The following MDFIC2 variants were observed in gnomAD, a reference collection of about 807,000 sequenced individuals.
The protein encoded by MDFIC2 is MyoD family inhibitor domain containing 2.
In MDFIC2 at chr3:70,194,889, G is replaced by A. The variant is rs1245610036; in HGVS notation, c.*2037C>T. On this transcript the variant is annotated 3_prime_UTR_variant, in exon 4 of 4. Transcript: ENST00000567252. ...CTTTAGTGACTAGACCACGGGTAGA[G>A]GGGTGGGTGCTCAGAGAGGAGCCAA... Among the ~76,000 whole-genome samples, 1 of 152,174 alleles carries A rather than the reference G, an allele frequency of 6.6e-6. No individual in the cohort carries two copies. Among genetic ancestry groups the A allele is most frequent in the African/African-American group, 2.4e-5 (1 of 41,440 alleles).
At chr3:70,268,513 G>T (rs926443252) in intron 2 of MDFIC2, among the ~76,000 whole-genome samples, 1 of 150,948 alleles carries the variant, frequency 6.6e-6, no homozygotes, top group Non-Finnish European at 1.5e-5. Context: ...CCAGAATGGT[G>T]CATTTGTTAC....
At chr3:70,282,253 G>A (rs1702092976) in intron 2 of MDFIC2, among the ~76,000 whole-genome samples, 1 of 152,074 alleles carries the variant, frequency 6.6e-6, no homozygotes, top group Admixed American at 6.6e-5. Context: ...GTGAGCAATG[G>A]GACCTAGAAG....
intron 2 of MDFIC2, among the ~76,000 whole-genome samples, chr3:70,235,070 T>G (rs1701594386): frequency 6.6e-6 from 1 of 152,196 alleles, no homozygotes; most frequent in Non-Finnish European, 1.5e-5. Context: ...TGATTGCACT[T>G]TGCTGCAGAA....
intron 2 of MDFIC2, among the ~76,000 whole-genome samples, chr3:70,304,607 G>C (rs1269582751): frequency 6.6e-6 from 1 of 152,076 alleles, no homozygotes; most frequent in African/African-American, 2.4e-5. Flanking sequence ...CAGTCCTGTT[G>C]GTTCTAACTT....
intron 2 of MDFIC2, among the ~76,000 whole-genome samples, chr3:70,215,383 A>G (rs1701399080): frequency 6.6e-6 from 1 of 152,116 alleles, no homozygotes. Context: ...ACTTTTCTGA[A>G]ATAAAACTGC....
At chr3:70,289,055 T>G (rs1702198907) in intron 2 of MDFIC2, among the ~76,000 whole-genome samples, 1 of 152,168 alleles carries the variant, frequency 6.6e-6, no homozygotes, top group Non-Finnish European at 1.5e-5. Context: ...TTTAGCCCAT[T>G]TACATTTAAA....
intron 2 of MDFIC2, among the ~76,000 whole-genome samples, chr3:70,286,929 G>T (rs1468130150): frequency 2.0e-5 from 3 of 151,718 alleles, no homozygotes; most frequent in East Asian, 1.9e-4. Context: ...CTTTGCTGAA[G>T]TTGCTTATCA....
intron 2 of MDFIC2, among the ~76,000 whole-genome samples, chr3:70,290,796 G>A (rs556307339): frequency 5.9e-5 from 9 of 152,184 alleles, no homozygotes; most frequent in Non-Finnish European, 1.2e-4. Flanking sequence ...GAAAAGCGCA[G>A]TATTCGGGTG....
chr3:70,257,643 T>A (rs1345065812), intron 2 of MDFIC2, among the ~76,000 whole-genome samples: 1 of 152,168 alleles, frequency 6.6e-6, no homozygotes, highest in East Asian at 1.9e-4. Flanking sequence ...TATGAAACAT[T>A]GCTTAGAGAA....
intron 2 of MDFIC2, among the ~76,000 whole-genome samples, chr3:70,287,071 C>T (rs1476638739): frequency 7.0e-6 from 1 of 143,358 alleles, no homozygotes; most frequent in Non-Finnish European, 1.5e-5. Context: ...CCTAATTGCC[C>T]TGGCCAGAAC....
chr3:70,256,352 A>G (rs114869942), intron 2 of MDFIC2, among the ~76,000 whole-genome samples: 3,564 of 152,296 alleles, frequency 0.023, 152 homozygotes, highest in African/African-American at 0.081. Flanking sequence ...AATCTTCCCT[A>G]TGATGATCTA....
At chr3:70,295,126 A>G (rs1384378984) in intron 2 of MDFIC2, among the ~76,000 whole-genome samples, 1 of 152,138 alleles carries the variant, frequency 6.6e-6, no homozygotes, top group South Asian at 2.1e-4. Context: ...AATTCTTCCA[A>G]CTTCTGAGAT....
chr3:70,279,445 A>T (rs975634168), intron 2 of MDFIC2, among the ~76,000 whole-genome samples: 1 of 152,084 alleles, frequency 6.6e-6, no homozygotes, highest in Non-Finnish European at 1.5e-5. Context: ...CACATCTCTG[A>T]GTACATTGTC....
At chr3:70,292,528 T>C (rs1354689562) in intron 2 of MDFIC2, among the ~76,000 whole-genome samples, 1 of 152,144 alleles carries the variant, frequency 6.6e-6, no homozygotes, top group Non-Finnish European at 1.5e-5. Flanking sequence ...ACTCCTTTGG[T>C]TTGAGAGGCA....
intron 2 of MDFIC2, among the ~76,000 whole-genome samples, chr3:70,272,843 G>C (rs1206172306): frequency 6.6e-6 from 1 of 152,098 alleles, no homozygotes; most frequent in Admixed American, 6.5e-5. Flanking sequence ...GCAAGACTTT[G>C]GGAAGGAAGG....
At chr3:70,277,880 G>A (rs1702042636) in intron 2 of MDFIC2, among the ~76,000 whole-genome samples, 1 of 152,146 alleles carries the variant, frequency 6.6e-6, no homozygotes, top group African/African-American at 2.4e-5. Context: ...GTGGAACTCA[G>A]TCTTAATCAG....
chr3:70,309,785 A>G (rs1476401051), intron 2 of MDFIC2, among the ~76,000 whole-genome samples: 3 of 152,244 alleles, frequency 2.0e-5, no homozygotes, highest in African/African-American at 2.4e-5. Flanking sequence ...GAAATATAGT[A>G]AACATAATTC....
chr3:70,299,141 A>G (rs1182073890), intron 2 of MDFIC2, among the ~76,000 whole-genome samples: 1 of 152,142 alleles, frequency 6.6e-6, no homozygotes, highest in Non-Finnish European at 1.5e-5. Flanking sequence ...ATATCCAAAC[A>G]TAGGTAATTG....
intron 2 of MDFIC2, among the ~76,000 whole-genome samples, chr3:70,268,148 G>T (rs1224105399): frequency 6.6e-6 from 1 of 151,532 alleles, no homozygotes; most frequent in African/African-American, 2.4e-5. Context: ...ATATACTCCT[G>T]CCCCCACACA....
Sources: allele counts gnomAD v4.1 joint callset (sites outside exome capture counted in the v4.1 genomes callset), GRCh38; gene constraint gnomAD v4.1.1; transcripts MANE v1.5; gene names NCBI Gene and HGNC (gene_info 2026-07-23, HGNC 2026-07-21).